PCM1: variants seen among roughly 807,000 people sequenced by gnomAD.
PCM1 encodes the protein pericentriolar material 1.
Under a neutral mutation model 241.9 loss-of-function variants are expected in PCM1, and 157 were observed. That is an observed-to-expected ratio of 0.65 (90% CI 0.57 to 0.74). PCM1 has a LOEUF of 0.74. PCM1 is among the 30% of genes least tolerant of loss of function. The pLI, the probability that PCM1 is intolerant of heterozygous loss-of-function variation, is 0.00. For synonymous variants in PCM1, 1,085 were observed against 784.9 expected, an observed-to-expected ratio of 1.38 and a Z score of -6.39; for missense variants, 3,478 against 2,360.1, an observed-to-expected ratio of 1.47 and a Z score of -9.81.
intron 24 of PCM1, among the ~76,000 whole-genome samples, chr8:17,981,369 T>C (rs188267775): frequency 4.9e-4 from 74 of 152,362 alleles, no homozygotes; most frequent in Middle Eastern, 3.4e-3. Context: ...CAAGCTAGGA[T>C]AGTTTCCCCT....
At chr8:17,940,066 G>T (rs1320422858) in intron 6 of PCM1, 1 of 1,578,572 alleles carries the variant, frequency 6.3e-7, no homozygotes. Flanking sequence ...GGAGGAGGAT[G>T]TTCGGACTAT....
Position 17,947,316 on chromosome 8 carries a change from C to G in PCM1, c.914C>G (p.Ala305Gly), listed in dbSNP as rs1384392486. The change falls in exon 7 of 39, where the codon GCT becomes GGT. Residue 305 changes from alanine (A) to glycine (G), a missense_variant. By Grantham distance (60) the Ala-to-Gly change is moderately conservative (BLOSUM62 0). Coordinates refer to ENST00000325083, the MANE Select transcript of PCM1 (RefSeq NM_006197.4). ...CAGGGACGGCAGGCTGCACTTCTAGCTCTGCAACATAAAGCAGAGCAAGCT... is the reference window on the plus strand; with the variant it reads ...CAGGGACGGCAGGCTGCACTTCTAGGTCTGCAACATAAAGCAGAGCAAGCT... Reference protein sequence around the residue: ...ALQGRQAALLALQHKAEQAIA... With the variant: ...ALQGRQAALLGLQHKAEQAIA... The G allele has an allele frequency of 2.5e-6, 4 of 1,612,298 alleles. No homozygotes were observed. In the East Asian group the frequency reaches 8.9e-5, roughly 36 times the overall value.
chr8:17,947,556 C>T (rs1294864800), intron 7 of PCM1, among the ~76,000 whole-genome samples, 193 bp downstream of exon 7: 2 of 152,206 alleles, frequency 1.3e-5, no homozygotes, highest in Admixed American at 6.5e-5. Context: ...GGCCATCATA[C>T]TATACCATGC....
In PCM1 at chr8:18,016,862, G is replaced by A. The variant is rs577338942; in HGVS notation, c.5841+2022G>A. Among the ~76,000 whole-genome samples the A allele has an allele frequency of 1.1e-3, 167 of 152,328 alleles. 1 individual carries two copies. The highest frequency in any genetic ancestry group is 3.8e-3 in the African/African-American group (160 of 41,578). On this transcript the variant is annotated intron_variant, in intron 36 of 38. Transcript: ENST00000325083. ...GTTAGACCCTCAGCCAGGACACCGAGGTCTGGCTCCTGTAAGTACTTTTAC... is the reference window on the plus strand; with the variant it reads ...GTTAGACCCTCAGCCAGGACACCGAAGTCTGGCTCCTGTAAGTACTTTTAC...
chr8:18,018,065 G>A (rs1297152873), intron 36 of PCM1, among the ~76,000 whole-genome samples: 1 of 152,172 alleles, frequency 6.6e-6, no homozygotes, highest in African/African-American at 2.4e-5. Context: ...GTCCCTTGGA[G>A]GAAAGAAAAT....
Position 17,964,735 on chromosome 8 carries a change from A to G in PCM1, c.2822A>G (p.His941Arg). ...GTGTGTCCTTCTAACAGTGTGAATC[A>G]TAACTCCTACAATGGAAAGGAAACT... Reference protein sequence around the residue: ...FSVCPSNSVNHNSYNGKETKN... With the variant: ...FSVCPSNSVNRNSYNGKETKN... The change falls in exon 18 of 39, where the codon CAT (histidine) becomes CGT (arginine). Residue 941 changes from histidine to arginine, a missense_variant. His to Arg is a conservative substitution (Grantham distance 29). Transcript: ENST00000325083. 6.2e-7 allele frequency: 1 copy of G among 1,613,802 alleles called. No homozygotes were observed. The highest frequency in any genetic ancestry group is 8.5e-7 in the Non-Finnish European group (1 of 1,179,688).
intron 32 of PCM1, among the ~76,000 whole-genome samples, 194 bp downstream of exon 32, chr8:18,010,862 A>G (rs952580481): frequency 6.6e-6 from 1 of 152,142 alleles, no homozygotes; most frequent in Non-Finnish European, 1.5e-5. Flanking sequence ...AGTCCCAGCT[A>G]TTCAGGAGGC....
At position 17,989,177 on chromosome 8, in the gene PCM1, G is replaced by T. The variant is rs911162578; in HGVS notation, c.4411-682G>T. 3.9e-5 allele frequency among the ~76,000 whole-genome samples: 6 copies of T among 152,064 alleles called. No individual in the cohort carries two copies. The South Asian group carries it at 6.2e-4, about 16-fold the overall frequency. On this transcript the variant is annotated intron_variant, in intron 26 of 38. Coordinates refer to ENST00000325083, the MANE Select transcript of PCM1 (RefSeq NM_006197.4). The stretch of plus-strand genomic sequence containing the variant: ...ATTTCAGAAACATACTAAGTGAAAA[G>T]TCAGACAATGAAGAGTGTATATTGG...
intron 29 of PCM1, among the ~76,000 whole-genome samples, chr8:18,004,491 A>G (rs1449424604): frequency 1.3e-5 from 2 of 152,168 alleles, no homozygotes; most frequent in African/African-American, 4.8e-5. Flanking sequence ...TGTAGCCCTG[A>G]TTTAAGTGAT....
At position 17,957,661 on chromosome 8, in the gene PCM1, G is replaced by C. The variant is rs748527256; in HGVS notation, c.1926G>C (p.Arg642Ser). ...GTGGAGCTTCATTATCTAGTCACAG[G>C]AGCAGTCTGGTTGATGAGCATCCAG... Reference protein sequence around the residue: ...GVSGASLSSHRSSLVDEHPED... With the variant: ...GVSGASLSSHSSSLVDEHPED... Residue 642 changes from arginine to serine, a missense_variant, in exon 13 of 39, where the codon AGG becomes AGC. Coordinates refer to ENST00000325083, the MANE Select transcript of PCM1 (RefSeq NM_006197.4). 1.9e-6 allele frequency: 3 copies of C among 1,604,970 alleles called. No individual in the cohort carries two copies. The highest frequency in any genetic ancestry group is 1.7e-5 in the Admixed American group (1 of 58,418).
intron 32 of PCM1, 79 bp from the exon 33 acceptor site, chr8:18,011,158 T>C: frequency 1.1e-6 from 1 of 913,800 alleles, no homozygotes. Flanking sequence ...TAATGATCAT[T>C]ATTAATACGA....
chr8:17,961,175 A>G lies in PCM1; in HGVS notation c.2322+731A>G, dbSNP rs117659909. Among the ~76,000 whole-genome samples the G allele has an allele frequency of 1.5e-3, 228 of 152,306 alleles. 2 individuals carry two copies. The East Asian group carries it at 0.037, about 25-fold the overall frequency. Reference sequence around the variant, plus strand: ...TTGTATATACTTTTGCTTATTAACTAGGATCTTATACATGGGTCTTGAGAT... The same window carrying G: ...TTGTATATACTTTTGCTTATTAACTGGGATCTTATACATGGGTCTTGAGAT... On this transcript the variant is annotated intron_variant, in intron 15 of 38. Transcript: ENST00000325083.
intron 18 of PCM1, among the ~76,000 whole-genome samples, chr8:17,964,975 A>G (rs1441876218): frequency 2.6e-5 from 4 of 152,060 alleles, no homozygotes; most frequent in African/African-American, 7.2e-5. Flanking sequence ...TTCAATTTCA[A>G]CTGCTTGGTC....
At chr8:17,957,514 G>T in intron 12 of PCM1, 26 bp from the exon 13 acceptor site, 1 of 1,603,740 alleles carries the variant, frequency 6.2e-7, no homozygotes, top group Non-Finnish European at 8.5e-7. Flanking sequence ...AAAGTTACTG[G>T]TTTTAATTAT....
intron 31 of PCM1, among the ~76,000 whole-genome samples, chr8:18,010,398 G>T (rs1053328995): frequency 2.6e-5 from 4 of 152,094 alleles, no homozygotes; most frequent in Admixed American, 2.6e-4. Context: ...CACTTTTCAT[G>T]ATATTTATTT....
At chr8:17,947,486 T>C in intron 7 of PCM1, 123 bp downstream of exon 7, 1 of 728,986 alleles carries the variant, frequency 1.4e-6, no homozygotes, top group Non-Finnish European at 2.2e-6. Context: ...AACCTTCATA[T>C]GAGGCTTATA....
chr8:17,937,042 A>T, intron 3 of PCM1, 92 bp from the exon 4 acceptor site: 1 of 990,208 alleles, frequency 1.0e-6, no homozygotes, highest in Non-Finnish European at 1.5e-6. Flanking sequence ...GTCTTTTTTA[A>T]TTTTAAAACT....
At chr8:17,968,494 AAGG>A (rs1355195935) in intron 21 of PCM1, among the ~76,000 whole-genome samples, 1 of 152,176 alleles carries the variant, frequency 6.6e-6, no homozygotes. Context: ...GATCAAGAAA[AAGG>A]AGTAACTGAA....
At chr8:18,021,823 C>A (rs760558057) in intron 36 of PCM1, among the ~76,000 whole-genome samples, 3 of 152,180 alleles carry the variant, frequency 2.0e-5, no homozygotes, top group African/African-American at 7.2e-5. Context: ...TATGAAATAA[C>A]TGGAAGACCT....
Sources: gnomAD v4.1 joint callset for allele counts (sites outside exome capture counted in the v4.1 genomes callset) on GRCh38, gnomAD v4.1.1 for gene constraint, MANE v1.5 for transcripts, NCBI Gene and HGNC (gene_info 2026-07-23, HGNC 2026-07-21) for gene names.